Variants in POLR3H observed in about 807,000 individuals in gnomAD.
POLR3H encodes DNA-directed RNA polymerase III subunit RPC8.
Under a neutral mutation model 25.5 loss-of-function variants are expected in POLR3H, and 17 were observed. The ratio of observed to expected loss-of-function variants is 0.67; its 90% CI spans 0.46 to 1.00. The LOEUF is 1.00. Among genes scored for constraint, POLR3H ranks in the 50% least tolerant of loss-of-function variants. POLR3H has a pLI of 0.00. For missense variants in POLR3H, 274 were observed against 265.0 expected, an observed-to-expected ratio of 1.03 and a Z score of -0.24; for synonymous variants, 129 against 103.0, an observed-to-expected ratio of 1.25 and a Z score of -1.53.
Position 41,527,140 on chromosome 22 carries a change from C to A in POLR3H, c.*2143G>T. 1 of 1,182,862 alleles carries A rather than the reference C, an allele frequency of 8.5e-7. No homozygotes were observed. Among genetic ancestry groups the A allele is most frequent in the Admixed American group, 2.3e-5 (1 of 44,378 alleles). 73.3% of individuals were successfully genotyped at this position (1,182,862 alleles called of 1,614,324 possible). A position where few individuals can be genotyped will look rare whatever the true frequency, so the allele number is the denominator to read the frequency against. On this transcript the variant is annotated 3_prime_UTR_variant, in exon 6 of 6. Coordinates refer to ENST00000355209, the MANE Select transcript of POLR3H (RefSeq NM_001018050.4). Reference sequence around the variant, plus strand: ...CACGCAGGCTTCACTTGCCCTTAGGCAGCAGGCGAGGAAGGGCCCCTCCAG... The same window carrying A: ...CACGCAGGCTTCACTTGCCCTTAGGAAGCAGGCGAGGAAGGGCCCCTCCAG...
chr22:41,535,298 A>G (rs1336841496), intron 2 of POLR3H, among the ~76,000 whole-genome samples: 1 of 152,248 alleles, frequency 6.6e-6, no homozygotes, highest in Admixed American at 6.5e-5. Context: ...TGATGGTTGC[A>G]CAACTCTTAA....
At chr22:41,541,214 C>T (rs1462201654) in intron 1 of POLR3H, among the ~76,000 whole-genome samples, 2 of 152,214 alleles carry the variant, frequency 1.3e-5, no homozygotes, top group East Asian at 1.9e-4. Context: ...TTTGTTATTA[C>T]TAGTGAGGAC....
chr22:41,532,288 A>G, intron 3 of POLR3H, 131 bp from the exon 4 acceptor site: 1 of 895,354 alleles, frequency 1.1e-6, no homozygotes, highest in Non-Finnish European at 1.8e-6. Context: ...GTGGAAACCT[A>G]GGCCCCTTCC....
chr22:41,538,606 A>G (rs957583963), intron 2 of POLR3H, among the ~76,000 whole-genome samples: 1 of 152,086 alleles, frequency 6.6e-6, no homozygotes, highest in Non-Finnish European at 1.5e-5. Flanking sequence ...TCTAGTACCT[A>G]TTACCACTTG....
chr22:41,533,180 G>A (rs576668092), intron 2 of POLR3H, among the ~76,000 whole-genome samples: 100 of 152,324 alleles, frequency 6.6e-4, no homozygotes, highest in South Asian at 5.0e-3. Flanking sequence ...GTTGTGAGGC[G>A]CAGGCCAGCA....
chr22:41,525,968 C>G lies in POLR3H; in HGVS notation c.*3315G>C, dbSNP rs1056600315. 6.1e-6 allele frequency: 2 copies of G among 330,556 alleles called. No individual in the cohort carries two copies. The highest frequency in any genetic ancestry group is 1.1e-5 in the Non-Finnish European group (2 of 179,534). The allele number at this position is 330,556 out of a possible 1,614,324, so 20.5% of individuals were successfully genotyped here. On this transcript the variant is annotated 3_prime_UTR_variant, in exon 6 of 6. Coordinates refer to ENST00000355209, the MANE Select transcript of POLR3H (RefSeq NM_001018050.4). ...ATGAGGTCTGTGGCTGATCTTGCAGCTGAGGCCTGAAGGGTGAGCGAACAT... is the reference window on the plus strand; with the variant it reads ...ATGAGGTCTGTGGCTGATCTTGCAGGTGAGGCCTGAAGGGTGAGCGAACAT...
At position 41,528,792 on chromosome 22, in the gene POLR3H, T is replaced by G. The variant is rs193086541; in HGVS notation, c.*491A>C. ...GTGGTGGGGGGGTTCTTAAAATAACTTTTTAGCCCCCGTCTTCCTATTTTG... is the reference window on the plus strand; with the variant it reads ...GTGGTGGGGGGGTTCTTAAAATAACGTTTTAGCCCCCGTCTTCCTATTTTG... On this transcript the variant is annotated 3_prime_UTR_variant, in exon 6 of 6. Transcript: ENST00000355209. The G allele has an allele frequency of 2.4e-6, 2 of 832,756 alleles. No homozygotes were observed. Among genetic ancestry groups the G allele is most frequent in the Admixed American group, 6.3e-5 (2 of 31,708 alleles). 51.6% of individuals were successfully genotyped at this position (832,756 alleles called of 1,614,324 possible).
chr22:41,529,719 T>C (rs1471885398), intron 5 of POLR3H: 1 of 528,796 alleles, frequency 1.9e-6, no homozygotes, highest in Non-Finnish European at 3.7e-6. Flanking sequence ...TTTATTTCAC[T>C]GCTGCAATGC....
At position 41,533,490 on chromosome 22, in the gene POLR3H, C is replaced by T. The variant is rs550032413; in HGVS notation, c.209-745G>A. ...GGTGACCCACTCACAGCCACATAGC[C>T]ATGGGGAGACACCTGGTCTTTCTGT... On this transcript the variant is annotated intron_variant, in intron 2 of 5. Transcript: ENST00000355209. 1.4e-5 allele frequency: 17 copies of T among 1,199,238 alleles called. No homozygotes were observed. In the South Asian group the frequency reaches 1.9e-4, roughly 14 times the overall value. 74.3% of individuals were successfully genotyped at this position (1,199,238 alleles called of 1,614,324 possible). A position where few individuals can be genotyped will look rare whatever the true frequency, so the allele number is the denominator to read the frequency against.
chr22:41,537,541 T>C (rs1395137230), intron 2 of POLR3H, among the ~76,000 whole-genome samples: 1 of 152,178 alleles, frequency 6.6e-6, no homozygotes, highest in African/African-American at 2.4e-5. Flanking sequence ...AAATCACAGT[T>C]CACCCTGCAT....
In POLR3H at chr22:41,527,825, G is replaced by T. The variant is rs73887736; in HGVS notation, c.*1458C>A. ...AGCAGGATTAGGGGCATCTCCCAGA[G>T]CCCCAGATGGGTTCAGAAAATGAAG... is the stretch of plus-strand genomic sequence containing the variant. On this transcript the variant is annotated 3_prime_UTR_variant, in exon 6 of 6. Transcript: ENST00000355209. 3,459 of 1,608,434 alleles carry T rather than the reference G, an allele frequency of 2.2e-3. 63 individuals carry two copies. In the African/African-American group the frequency reaches 0.042, roughly 19 times the overall value.
At position 41,526,976 on chromosome 22, in the gene POLR3H, C is replaced by G; in HGVS notation, c.*2307G>C. 2.2e-6 allele frequency: 1 copy of G among 462,328 alleles called. No homozygotes were observed. The highest frequency in any genetic ancestry group is 3.9e-6 in the Non-Finnish European group (1 of 256,776). The allele number at this position is 462,328 out of a possible 1,614,324, so 28.6% of individuals were successfully genotyped here. ...TCACAGATGCATCTTGTGTGGGGCC[C>G]GGAGGCCGTCCCTGTCTCACCCAAC... On this transcript the variant is annotated 3_prime_UTR_variant, in exon 6 of 6. Coordinates refer to ENST00000355209, the MANE Select transcript of POLR3H (RefSeq NM_001018050.4).
chr22:41,526,783 C>G lies in POLR3H; in HGVS notation c.*2500G>C, dbSNP rs1290393631. 2.9e-6 allele frequency: 1 copy of G among 342,014 alleles called. No homozygotes were observed. The highest frequency in any genetic ancestry group is 2.1e-5 in the African/African-American group (1 of 47,764). 21.2% of individuals were successfully genotyped at this position (342,014 alleles called of 1,614,324 possible). A position where few individuals can be genotyped will look rare whatever the true frequency, so the allele number is the denominator to read the frequency against. ...AGAGAGGGGGCTACACGGGGCCTCA[C>G]AGTGAGCAGGCAGAGAGGGTCTGAG... On this transcript the variant is annotated 3_prime_UTR_variant, in exon 6 of 6. Transcript: ENST00000355209.
rs2066980344 is a variant in POLR3H at position 41,544,164 on chromosome 22, G to T, written c.-63C>A. On this transcript the variant is annotated 5_prime_UTR_variant, in exon 1 of 6. Transcript: ENST00000355209. ...AGTCACGCACCAGGGCCGGGGGCAG[G>T]GAGAATCCCCGAGCCCCTTGGTCCC... 2.9e-6 allele frequency: 3 copies of T among 1,032,948 alleles called. No homozygotes were observed. Among genetic ancestry groups the T allele is most frequent in the Non-Finnish European group, 2.9e-6 (2 of 679,890 alleles). The allele number at this position is 1,032,948 out of a possible 1,614,324, so 64.0% of individuals were successfully genotyped here.
In POLR3H at chr22:41,527,637, G is replaced by A. The variant is rs1237751502; in HGVS notation, c.*1646C>T. 4.9e-6 allele frequency: 4 copies of A among 816,108 alleles called. No individual in the cohort carries two copies. The highest frequency in any genetic ancestry group is 7.5e-6 in the Non-Finnish European group (4 of 533,528). The allele number at this position is 816,108 out of a possible 1,614,324, so 50.6% of individuals were successfully genotyped here. ...CCTGCTTCCAGGCTTGTAGATCTGA[G>A]CCGCTGAGATCTAGGACATGTGCCA... is the stretch of plus-strand genomic sequence containing the variant. On this transcript the variant is annotated 3_prime_UTR_variant, in exon 6 of 6. Coordinates refer to ENST00000355209, the MANE Select transcript of POLR3H (RefSeq NM_001018050.4).
rs1345821790 is a variant in POLR3H, at chr22:41,528,461, C to T, written c.*822G>A. ...ACAGTACCCACCACTTCCACCCACA[C>T]CCACCTTCTCCTTGCAGCCCCTGAA... is the stretch of plus-strand genomic sequence containing the variant. On this transcript the variant is annotated 3_prime_UTR_variant, in exon 6 of 6. Transcript: ENST00000355209. 1.9e-6 allele frequency: 3 copies of T among 1,611,028 alleles called. No individual in the cohort carries two copies. Among genetic ancestry groups the T allele is most frequent in the Non-Finnish European group, 2.5e-6 (3 of 1,179,560 alleles).
chr22:41,527,268 T>A lies in POLR3H; in HGVS notation c.*2015A>T. The A allele has an allele frequency of 3.7e-6, 6 of 1,614,046 alleles. No individual in the cohort carries two copies. Among genetic ancestry groups the A allele is most frequent in the Non-Finnish European group, 5.1e-6 (6 of 1,179,966 alleles). On this transcript the variant is annotated 3_prime_UTR_variant, in exon 6 of 6. Coordinates refer to ENST00000355209, the MANE Select transcript of POLR3H (RefSeq NM_001018050.4). ...GGTGCCCTCCTCTGCCTTATAACCT[T>A]ACCCCCGCTTGCCTGACAGAAACAT... is the stretch of plus-strand genomic sequence containing the variant.
intron 2 of POLR3H, 188 bp downstream of exon 2, chr22:41,540,506 CATATT>C: frequency 1.5e-6 from 1 of 651,858 alleles, no homozygotes; most frequent in Middle Eastern, 4.1e-4. Context: ...AAAATTTTTT[CATATT>C]TTATTTATGT....
intron 5 of POLR3H, among the ~76,000 whole-genome samples, 169 bp from the exon 6 acceptor site, chr22:41,529,505 G>T (rs1342832976): frequency 6.6e-6 from 1 of 152,184 alleles, no homozygotes; most frequent in African/African-American, 2.4e-5. Context: ...CTCCCAACGG[G>T]CACGCAGCAC....
Sources: gnomAD v4.1 joint callset for allele counts (sites outside exome capture counted in the v4.1 genomes callset) on GRCh38, gnomAD v4.1.1 for gene constraint, MANE v1.5 for transcripts, NCBI Gene and HGNC (gene_info 2026-07-23, HGNC 2026-07-21) for gene names.